UBE2L3: variants seen among roughly 807,000 people sequenced by gnomAD.
UBE2L3 encodes ubiquitin conjugating enzyme E2 L3, also known as ubiquitin-conjugating enzyme E2 L3.
Under a neutral mutation model 17.8 loss-of-function variants are expected in UBE2L3, and 1 was observed. The ratio of observed to expected loss-of-function variants is 0.06; its 90% CI spans 0.02 to 0.27. The LOEUF (loss-of-function observed/expected upper bound fraction) is 0.27. Ranked by LOEUF, UBE2L3 falls within the 10% of genes least tolerant of loss-of-function variation. The pLI is 1.00. For synonymous variants in UBE2L3, 44 were observed against 68.5 expected (o/e 0.64, Z 1.76); for missense variants, 40 against 192.6 (o/e 0.21, Z 4.69).
At position 21,589,247 on chromosome 22, in the gene UBE2L3, G is replaced by A. The variant is rs866398704; in HGVS notation, c.28-3614G>A. On this transcript the variant is annotated intron_variant, in intron 1 of 3. Coordinates refer to ENST00000342192, the MANE Select transcript of UBE2L3 (RefSeq NM_003347.4). ...TGCAAGCTCTGCCTCCTGGGTTCAC[G>A]CCTTTCTCCTGCCTCAGCCTCCCGA... Among the ~76,000 whole-genome samples the A allele has an allele frequency of 9.5e-5, 14 of 147,890 alleles. No individual in the cohort carries two copies. In the South Asian group the frequency reaches 2.0e-3, roughly 21 times the overall value.
rs371127802 is a variant in UBE2L3, at chr22:21,598,195, A to ATGTGTGTGTGTGTGTGTG, written c.123+5254_123+5255insGTGTGTGTGTGTGTGTGT. Among the ~76,000 whole-genome samples the ATGTGTGTGTGTGTGTGTG allele has an allele frequency of 3.0e-3, 451 of 148,508 alleles. 1 individual carries two copies. The highest frequency in any genetic ancestry group is 0.01 in the African/African-American group (413 of 40,792). On this transcript the variant is annotated intron_variant, in intron 2 of 3. Coordinates refer to ENST00000342192, the MANE Select transcript of UBE2L3 (RefSeq NM_003347.4). ...GATCTCTTCAAGGAAGGTTTCATTA[A>ATGTGTGTGTGTGTGTGTG]TGTGTGTGTGTGTGTTTTTCATTTA...
chr22:21,583,173 T>C (rs1304996301), intron 1 of UBE2L3, among the ~76,000 whole-genome samples: 1 of 152,188 alleles, frequency 6.6e-6, no homozygotes, highest in Non-Finnish European at 1.5e-5. Context: ...TGTCTCTGCA[T>C]ACACATTTCC....
At chr22:21,567,325 G>A (rs1926677992), upstream of UBE2L3, among the ~76,000 whole-genome samples, 2 of 152,108 alleles carry the variant, frequency 1.3e-5, no homozygotes, top group South Asian at 4.1e-4. Context: ...CACCACGCCT[G>A]GCTAATTTTT....
rs977267914 is a variant in UBE2L3, at chr22:21,621,960, C to G, written c.*291C>G. The G allele has an allele frequency of 1.8e-5, 6 of 327,302 alleles. No individual in the cohort carries two copies. The highest frequency in any genetic ancestry group is 3.3e-5 in the Non-Finnish European group (6 of 181,666). 20.3% of individuals were successfully genotyped at this position (327,302 alleles called of 1,614,324 possible). On this transcript the variant is annotated 3_prime_UTR_variant, in exon 4 of 4. Coordinates refer to ENST00000342192, the MANE Select transcript of UBE2L3 (RefSeq NM_003347.4). ...TTTCTTGTCCAATTTTATCCAAAATCTTCAAGTTACATTTAACCCATAAGG... is the reference window on the plus strand; with the variant it reads ...TTTCTTGTCCAATTTTATCCAAAATGTTCAAGTTACATTTAACCCATAAGG...
intron 1 of UBE2L3, chr22:21,568,264 G>C: frequency 1.0e-6 from 1 of 986,702 alleles, no homozygotes; most frequent in Non-Finnish European, 1.2e-6. Flanking sequence ...TTCGGGCTAG[G>C]AAAGAGAGAA....
chr22:21,560,746 C>T (rs1355476972), intron 1 of UBE2L3, among the ~76,000 whole-genome samples: 9 of 150,688 alleles, frequency 6.0e-5, no homozygotes, highest in Non-Finnish European at 8.8e-5. Flanking sequence ...CCACCGCTCC[C>T]GGGCTGGATC....
intron 2 of UBE2L3, among the ~76,000 whole-genome samples, chr22:21,594,563 G>A (rs1400497939): frequency 6.6e-6 from 1 of 151,896 alleles, no homozygotes. Flanking sequence ...TGGATTTGTA[G>A]TTTATTTCCA....
chr22:21,594,315 CATGCTTCCTCCTGTAG>C (rs1238725903), intron 2 of UBE2L3, among the ~76,000 whole-genome samples: 64 of 151,800 alleles, frequency 4.2e-4, no homozygotes, highest in Middle Eastern at 6.9e-3. Flanking sequence ...GAGCATGGAG[CATGCTTCCTCCTGTAG>C]ATGCTTCCTC....
chr22:21,601,309 G>A (rs868028494), intron 2 of UBE2L3, among the ~76,000 whole-genome samples: 3 of 151,348 alleles, frequency 2.0e-5, no homozygotes, highest in South Asian at 2.1e-4. Context: ...AACTCTTTTG[G>A]GTTTTTTTGT....
rs1930055564 is a variant in UBE2L3, at chr22:21,621,984, G to A, written c.*315G>A. 4.1e-6 allele frequency: 1 copy of A among 242,780 alleles called. No homozygotes were observed. The allele number at this position is 242,780 out of a possible 1,614,324, so 15.0% of individuals were successfully genotyped here. ...TCTTCAAGTTACATTTAACCCATAAGGTTTAAAAAAAAGGAAAAAAAACGG... is the reference window on the plus strand; with the variant it reads ...TCTTCAAGTTACATTTAACCCATAAAGTTTAAAAAAAAGGAAAAAAAACGG... On this transcript the variant is annotated 3_prime_UTR_variant, in exon 4 of 4. Coordinates refer to ENST00000342192, the MANE Select transcript of UBE2L3 (RefSeq NM_003347.4).
At chr22:21,595,746 T>C (rs1928482991) in intron 2 of UBE2L3, among the ~76,000 whole-genome samples, 1 of 152,220 alleles carries the variant, frequency 6.6e-6, no homozygotes, top group Admixed American at 6.5e-5. Context: ...GAAATTCAGT[T>C]ACATTTTGTG....
chr22:21,606,544 T>C (rs1418371120), intron 2 of UBE2L3, among the ~76,000 whole-genome samples: 80 of 152,172 alleles, frequency 5.3e-4, no homozygotes, highest in Admixed American at 5.2e-3. Flanking sequence ...ACCACCACCA[T>C]TTAATTCTCC....
intron 1 of UBE2L3, among the ~76,000 whole-genome samples, chr22:21,573,894 A>G (rs1927117744): frequency 6.6e-6 from 1 of 152,230 alleles, no homozygotes; most frequent in South Asian, 2.1e-4. Context: ...TGGTTCCTCC[A>G]GAGCTAGGAG....
intron 1 of UBE2L3, among the ~76,000 whole-genome samples, chr22:21,561,548 C>T (rs1313180162): frequency 6.6e-6 from 1 of 152,274 alleles, no homozygotes; most frequent in African/African-American, 2.4e-5. Flanking sequence ...CACCACTATA[C>T]TCCAGCCTGG....
intron 1 of UBE2L3, among the ~76,000 whole-genome samples, chr22:21,561,544 T>C (rs1230358860): frequency 1.3e-5 from 2 of 152,212 alleles, no homozygotes; most frequent in Non-Finnish European, 2.9e-5. Context: ...ATCACACCAC[T>C]ATACTCCAGC....
chr22:21,583,188 C>T (rs2148412921), intron 1 of UBE2L3, among the ~76,000 whole-genome samples: 1 of 152,328 alleles, frequency 6.6e-6, no homozygotes, highest in Admixed American at 6.5e-5. Context: ...ATTTCCCACA[C>T]ATGGACACCT....
chr22:21,616,705 A>T (rs984368912), intron 3 of UBE2L3, among the ~76,000 whole-genome samples: 3 of 151,578 alleles, frequency 2.0e-5, no homozygotes, highest in Non-Finnish European at 2.9e-5. Context: ...GGCACCTGTA[A>T]TCCCAGCTAC....
intron 3 of UBE2L3, chr22:21,614,646 C>G: frequency 1.5e-6 from 2 of 1,365,804 alleles, no homozygotes; most frequent in Non-Finnish European, 2.0e-6. Context: ...CTGACTTTAG[C>G]CACCCACAAG....
chr22:21,567,666 C>T (rs1399344499), upstream of UBE2L3: 6 of 1,549,492 alleles, frequency 3.9e-6, no homozygotes, highest in Admixed American at 7.9e-5. Context: ...GGCCCCTCCC[C>T]CGCTCCAGGA....
Sources: allele counts gnomAD v4.1 joint callset (sites outside exome capture counted in the v4.1 genomes callset), GRCh38; gene constraint gnomAD v4.1.1; transcripts MANE v1.5; gene names NCBI Gene and HGNC (gene_info 2026-07-23, HGNC 2026-07-21).